TTC7B: variants seen among roughly 807,000 people sequenced by gnomAD.
TTC7B encodes tetratricopeptide repeat domain 7B, also known as tetratricopeptide repeat protein 7B.
A neutral mutation model predicts 106.8 loss-of-function variants in TTC7B; 28 were observed. That is an observed-to-expected ratio of 0.26 (90% confidence interval 0.19 to 0.36). TTC7B has a LOEUF of 0.36. TTC7B is among the 10% of genes least tolerant of loss of function. The pLI is 1.00. For synonymous variants in TTC7B, 405 were observed against 430.6 expected, an observed-to-expected ratio of 0.94 and a Z score of 0.74; for missense variants, 862 against 1,076.4, an observed-to-expected ratio of 0.80 and a Z score of 2.79.
intron 3 of TTC7B, among the ~76,000 whole-genome samples, chr14:90,769,220 A>C (rs909776485): frequency 6.6e-6 from 1 of 152,222 alleles, no homozygotes; most frequent in Non-Finnish European, 1.5e-5. Context: ...TCGCTACAAA[A>C]AAAATCAACT....
intron 3 of TTC7B, among the ~76,000 whole-genome samples, chr14:90,770,835 A>G (rs8004603): frequency 0.32 from 48,739 of 152,152 alleles, 11,115 homozygotes; most frequent in African/African-American, 0.65. Context: ...AACGTGGTAC[A>G]TGCACACAAT....
rs974428235 is a variant in TTC7B, at chr14:90,525,139, C to G, written c.*16229G>C. On this transcript the variant is annotated 3_prime_UTR_variant, in exon 20 of 20. Coordinates refer to ENST00000328459, the MANE Select transcript of TTC7B (RefSeq NM_001010854.2). ...CCTTGCCCCAGGCGCAATCACGGGTCTGCTTTCCCTCACTCTAGATTAGTC... is the reference window on the plus strand; with the variant it reads ...CCTTGCCCCAGGCGCAATCACGGGTGTGCTTTCCCTCACTCTAGATTAGTC... 2.3e-4 allele frequency: 35 copies of G among 151,602 alleles called. No individual in the cohort carries two copies. Among genetic ancestry groups the G allele is most frequent in the African/African-American group, 7.5e-4 (31 of 41,214 alleles). The allele number at this position is 151,602 out of a possible 1,614,324, so 9.4% of individuals were successfully genotyped here.
Position 90,578,119 on chromosome 14 carries a change from C to G in TTC7B, c.2297G>C (p.Ser766Thr). Reference sequence around the variant, plus strand: ...TCGTGGACTCACCAGTCGCTGCATGCTCTTCACGTGGGTGGGGCTGATGGC... The same window carrying G: ...TCGTGGACTCACCAGTCGCTGCATGGTCTTCACGTGGGTGGGGCTGATGGC... ...ALAISPTHVKSMQRLALILHQ... is the reference protein window; with the variant it reads ...ALAISPTHVKTMQRLALILHQ... The change falls in exon 19 of 20, where the codon AGC becomes ACC. Residue 766 changes from serine to threonine, a missense_variant. By Grantham distance (58) the Ser-to-Thr change is moderately conservative (BLOSUM62 1). Coordinates refer to ENST00000328459, the MANE Select transcript of TTC7B (RefSeq NM_001010854.2). This position sits in a 1 kb window ranked among gnomAD's most constrained non-coding sequence, Gnocchi z 4.7. 1 of 1,611,056 alleles carries G rather than the reference C, an allele frequency of 6.2e-7. No homozygotes were observed. Among genetic ancestry groups the G allele is most frequent in the Non-Finnish European group, 8.5e-7 (1 of 1,178,820 alleles).
chr14:90,809,787 C>G (rs2030800736), intron 1 of TTC7B, among the ~76,000 whole-genome samples: 1 of 152,218 alleles, frequency 6.6e-6, no homozygotes, highest in Non-Finnish European at 1.5e-5. Flanking sequence ...CCTCTAGAAG[C>G]TGACCATTTG....
At position 90,761,303 on chromosome 14, in the gene TTC7B, A is replaced by G. The variant is rs539013981; in HGVS notation, c.446-16381T>C. On this transcript the variant is annotated intron_variant, in intron 3 of 19. Transcript: ENST00000328459. ...AATTACTCCTGCAGATAACATCACTACTGTAGAACCTAAGATTGGCCTTTT... is the reference window on the plus strand; with the variant it reads ...AATTACTCCTGCAGATAACATCACTGCTGTAGAACCTAAGATTGGCCTTTT... Among the ~76,000 whole-genome samples the G allele has an allele frequency of 1.3e-4, 20 of 152,328 alleles. No homozygotes were observed. In the East Asian group the frequency reaches 3.7e-3, roughly 28 times the overall value.
rs1211497493 is a variant in TTC7B at position 90,657,458 on chromosome 14, G to C, written c.1237-180C>G. 1.8e-6 allele frequency: 1 copy of C among 558,790 alleles called. No individual in the cohort carries two copies. The highest frequency in any genetic ancestry group is 3.0e-5 in the East Asian group (1 of 33,024). The allele number at this position is 558,790 out of a possible 1,614,324, so 34.6% of individuals were successfully genotyped here. A position where few individuals can be genotyped will look rare whatever the true frequency, so the allele number is the denominator to read the frequency against. ...AGAGCCTGCGGCTTCTGAGTGACTG[G>C]GGAGTACACTGGGTTAAAAGCCAGC... On this transcript the variant is annotated intron_variant, in intron 10 of 19. Transcript: ENST00000328459. The surrounding 1 kb of genome is among the most constrained non-coding windows in gnomAD (Gnocchi z 4.2).
chr14:90,593,022 G>A, intron 18 of TTC7B, among the ~76,000 whole-genome samples: 1 of 152,166 alleles, frequency 6.6e-6, no homozygotes, highest in East Asian at 1.9e-4. Context: ...GTCAAGATGT[G>A]CCAGGCATTG....
chr14:90,743,929 C>T (rs1374921100), intron 4 of TTC7B, among the ~76,000 whole-genome samples: 1 of 152,242 alleles, frequency 6.6e-6, no homozygotes, highest in Admixed American at 6.5e-5. Flanking sequence ...GAGCTTAGAA[C>T]CCCGAGCTCA....
chr14:90,586,790 G>A (rs1166757063), intron 18 of TTC7B, among the ~76,000 whole-genome samples: 1 of 152,112 alleles, frequency 6.6e-6, no homozygotes, highest in South Asian at 2.1e-4. Flanking sequence ...TCAGGCACCC[G>A]ACACTTCCAA....
At position 90,570,157 on chromosome 14, in the gene TTC7B, T is replaced by A. The variant is rs1191209455; in HGVS notation, c.2310+7949A>T. On this transcript the variant is annotated intron_variant, in intron 19 of 19. Transcript: ENST00000328459. This position sits in a 1 kb window ranked among gnomAD's most constrained non-coding sequence, Gnocchi z 4.0. ...CCAGCACACTGAGTGAGAGCCCCAC[T>A]TACAGCCTAGCAGGGCCTCCCTGAG... Among the ~76,000 whole-genome samples the A allele has an allele frequency of 6.6e-6, 1 of 152,186 alleles. No individual in the cohort carries two copies. The highest frequency in any genetic ancestry group is 6.5e-5 in the Admixed American group (1 of 15,284).
At chr14:90,548,133 C>T (rs191990443) in intron 19 of TTC7B, among the ~76,000 whole-genome samples, 3 of 152,210 alleles carry the variant, frequency 2.0e-5, no homozygotes, top group East Asian at 1.9e-4. Context: ...GCTCCCCTGC[C>T]GGTAGTGCTC....
intron 1 of TTC7B, among the ~76,000 whole-genome samples, chr14:90,798,729 A>AAAAAC (rs1466537060): frequency 2.0e-5 from 3 of 150,694 alleles, no homozygotes; most frequent in Non-Finnish European, 2.9e-5. Flanking sequence ...AAAAAAAAAA[A>AAAAAC]AAACACGCAA....
chr14:90,774,449 T>C (rs2082059088), intron 3 of TTC7B, among the ~76,000 whole-genome samples: 2 of 152,252 alleles, frequency 1.3e-5, no homozygotes, highest in Non-Finnish European at 2.9e-5. Context: ...TTTACCCCTC[T>C]GCATATGCCT....
In TTC7B at chr14:90,729,987, A is replaced by G. The variant is rs888966713; in HGVS notation, c.698+88T>C. 4.5e-6 allele frequency: 6 copies of G among 1,339,052 alleles called. No individual in the cohort carries two copies. The African/African-American group carries it at 9.0e-5, about 20-fold the overall frequency. The allele number at this position is 1,339,052 out of a possible 1,614,324, so 82.9% of individuals were successfully genotyped here. On this transcript the variant is annotated intron_variant, in intron 5 of 19. Coordinates refer to ENST00000328459, the MANE Select transcript of TTC7B (RefSeq NM_001010854.2). ...GGTAGTTCATATTTAAAATTCCTTT[A>G]TTATAATAACTAAACTGGAGACAGC...
intron 5 of TTC7B, among the ~76,000 whole-genome samples, chr14:90,720,669 A>G (rs1348956937): frequency 6.6e-6 from 1 of 152,204 alleles, no homozygotes; most frequent in Non-Finnish European, 1.5e-5. Context: ...CCGTTATGTC[A>G]AGAGGTACCA....
intron 1 of TTC7B, among the ~76,000 whole-genome samples, chr14:90,812,036 C>A (rs1009150349): frequency 1.3e-5 from 2 of 152,160 alleles, no homozygotes; most frequent in Non-Finnish European, 2.9e-5. Flanking sequence ...CCTACCTTGC[C>A]CAGGGTCACA....
At chr14:90,661,796 A>T (rs1407679816) in intron 9 of TTC7B, among the ~76,000 whole-genome samples, 1 of 152,202 alleles carries the variant, frequency 6.6e-6, no homozygotes, top group African/African-American at 2.4e-5. Context: ...GATAAATATC[A>T]ACTGTTTTCC....
chr14:90,578,350 T>C lies in TTC7B; in HGVS notation c.2108-42A>G, dbSNP rs1891349395. 1 of 1,591,960 alleles carries C rather than the reference T, an allele frequency of 6.3e-7. No individual in the cohort carries two copies. Among genetic ancestry groups the C allele is most frequent in the South Asian group, 1.1e-5 (1 of 88,218 alleles). On this transcript the variant is annotated intron_variant, in intron 18 of 19. Transcript: ENST00000328459. This position sits in a 1 kb window ranked among gnomAD's most constrained non-coding sequence, Gnocchi z 4.7. ...ACGGCACATGCTTTCCTGGTGCCCC[T>C]CTGAGGCCCTGCGAGCAGCCACCAC...
chr14:90,649,633 C>T (rs145983299), intron 13 of TTC7B, among the ~76,000 whole-genome samples: 3 of 152,276 alleles, frequency 2.0e-5, no homozygotes, highest in African/African-American at 7.2e-5. Flanking sequence ...TCACAAAATG[C>T]TTCCCTTATC....
Sources: allele counts gnomAD v4.1 joint callset (sites outside exome capture counted in the v4.1 genomes callset), GRCh38; gene constraint gnomAD v4.1.1; non-coding constraint Gnocchi (gnomAD v3.1); transcripts MANE v1.5; gene names NCBI Gene and HGNC (gene_info 2026-07-23, HGNC 2026-07-21).